The following DLGAP2 variants were observed in gnomAD, a reference collection of about 807,000 sequenced individuals.
The protein encoded by DLGAP2 is DLG associated protein 2.
Under a neutral mutation model 100.3 loss-of-function variants are expected in DLGAP2, and 26 were observed. That is an observed-to-expected ratio of 0.26 (90% CI 0.19 to 0.36). The LOEUF is 0.36. Among genes scored for constraint, DLGAP2 ranks in the 10% least tolerant of loss-of-function variants. The pLI is 1.00. For missense variants in DLGAP2, 1,858 were observed against 1,453.2 expected (o/e 1.28, Z -4.53); for synonymous variants, 886 against 630.1 (o/e 1.41, Z -6.08).
rs79895482 is a variant in DLGAP2 at position 1,624,265 on chromosome 8, A to T, written c.1443-2475A>T. Among the ~76,000 whole-genome samples, 721 of 152,190 alleles carry T rather than the reference A, an allele frequency of 4.7e-3. 2 individuals carry two copies. Among genetic ancestry groups the T allele is most frequent in the African/African-American group, 0.016 (658 of 41,510 alleles). ...GATTGGTAGAAATGGAGGGTATGAA[A>T]CCAGCAATCTCAAGGAAGCATGGAA... On this transcript the variant is annotated intron_variant, in intron 6 of 14. Transcript: ENST00000637795.
intron 3 of DLGAP2, among the ~76,000 whole-genome samples, chr8:1,318,938 C>A (rs11782963): frequency 6.6e-6 from 1 of 152,006 alleles, no homozygotes; most frequent in Non-Finnish European, 1.5e-5. Flanking sequence ...AAACGCTCAG[C>A]ATGGTTTTTC....
chr8:1,358,059 G>A (rs1318893090), intron 3 of DLGAP2, among the ~76,000 whole-genome samples: 2 of 152,190 alleles, frequency 1.3e-5, no homozygotes, highest in African/African-American at 4.8e-5. Flanking sequence ...TCCAGGAGTG[G>A]GGGCACAGGC....
intron 2 of DLGAP2, among the ~76,000 whole-genome samples, chr8:1,099,582 T>G (rs1223237882): frequency 6.6e-6 from 1 of 152,174 alleles, no homozygotes; most frequent in Non-Finnish European, 1.5e-5. Flanking sequence ...ACCAGGAGGA[T>G]TAGGAAAAGT....
At chr8:1,696,825 C>T (rs1187006045) in intron 13 of DLGAP2, among the ~76,000 whole-genome samples, 1 of 152,232 alleles carries the variant, frequency 6.6e-6, no homozygotes, top group Non-Finnish European at 1.5e-5. Flanking sequence ...CCGAATCATC[C>T]ACAGGTGACC....
At chr8:1,349,993 C>A (rs1801670576) in intron 3 of DLGAP2, among the ~76,000 whole-genome samples, 1 of 152,148 alleles carries the variant, frequency 6.6e-6, no homozygotes, top group Non-Finnish European at 1.5e-5. Flanking sequence ...GCAACCAAAA[C>A]AACACATATA....
At chr8:917,660 A>T (rs1165307239) in intron 2 of DLGAP2, among the ~76,000 whole-genome samples, 2 of 152,136 alleles carry the variant, frequency 1.3e-5, no homozygotes, top group African/African-American at 4.8e-5. Flanking sequence ...AGCTCATTGC[A>T]AACTCCACCT....
Position 1,127,757 on chromosome 8 carries a change from C to T in DLGAP2, c.74-131094C>T, listed in dbSNP as rs775803390. 2.3e-4 allele frequency among the ~76,000 whole-genome samples: 35 copies of T among 152,144 alleles called. 1 individual carries two copies. The highest frequency in any genetic ancestry group is 4.6e-4 in the Non-Finnish European group (31 of 68,020). On this transcript the variant is annotated intron_variant, in intron 2 of 14. Coordinates refer to ENST00000637795, the MANE Select transcript of DLGAP2 (RefSeq NM_001346810.2). ...GAAAACACTAAGGCCCAGAGGAGGA[C>T]GGTTAACTACGCCCGTTCTGTTGTA... is the stretch of plus-strand genomic sequence containing the variant.
intron 2 of DLGAP2, among the ~76,000 whole-genome samples, chr8:987,951 C>T (rs1800535363): frequency 1.3e-5 from 2 of 152,144 alleles, no homozygotes; most frequent in African/African-American, 4.8e-5. Flanking sequence ...GAGATCAGTG[C>T]TTCTCTGTGG....
chr8:1,454,470 C>T (rs893590738), intron 3 of DLGAP2, among the ~76,000 whole-genome samples: 1 of 152,208 alleles, frequency 6.6e-6, no homozygotes, highest in African/African-American at 2.4e-5. Context: ...TCTGGCACAG[C>T]AACTGTAGTG....
At chr8:1,473,180 C>G (rs992617205) in intron 3 of DLGAP2, among the ~76,000 whole-genome samples, 1 of 152,220 alleles carries the variant, frequency 6.6e-6, no homozygotes, top group Non-Finnish European at 1.5e-5. Flanking sequence ...ATCCATCCGT[C>G]TTGGCCTCCC....
At chr8:743,571 A>C (rs1476716681) in intron 1 of DLGAP2, among the ~76,000 whole-genome samples, 1 of 152,100 alleles carries the variant, frequency 6.6e-6, no homozygotes, top group Non-Finnish European at 1.5e-5. Flanking sequence ...GTATTTATTT[A>C]CTTACTTATT....
Position 1,234,838 on chromosome 8 carries a change from G to C in DLGAP2, c.74-24013G>C, listed in dbSNP as rs896462005. On this transcript the variant is annotated intron_variant, in intron 2 of 14. Transcript: ENST00000637795. ...GTGAGTTCACGGCGTCACGTCAGGAGTGATACCCGGACTGTTCAACACTTA... is the reference window on the plus strand; with the variant it reads ...GTGAGTTCACGGCGTCACGTCAGGACTGATACCCGGACTGTTCAACACTTA... 3.9e-5 allele frequency among the ~76,000 whole-genome samples: 6 copies of C among 152,198 alleles called. No homozygotes were observed. The South Asian group carries it at 1.0e-3, about 26-fold the overall frequency.
At position 951,594 on chromosome 8, in the gene DLGAP2, G is replaced by C. The variant is rs115187865; in HGVS notation, c.73+43628G>C. Among the ~76,000 whole-genome samples the C allele has an allele frequency of 5.3e-3, 800 of 152,274 alleles. 13 individuals carry two copies. The highest frequency in any genetic ancestry group is 0.019 in the African/African-American group (774 of 41,546). On this transcript the variant is annotated intron_variant, in intron 2 of 14. Coordinates refer to ENST00000637795, the MANE Select transcript of DLGAP2 (RefSeq NM_001346810.2). The stretch of plus-strand genomic sequence containing the variant: ...GGGAAAGCACACTTTTAGTACCCTT[G>C]ATAATTATTGCGTTCATGAAGCTTT...
At chr8:961,542 C>G (rs937947343) in intron 2 of DLGAP2, among the ~76,000 whole-genome samples, 4 of 152,100 alleles carry the variant, frequency 2.6e-5, no homozygotes, top group Non-Finnish European at 5.9e-5. Context: ...AATATCATTT[C>G]TATATAGGGG....
intron 6 of DLGAP2, among the ~76,000 whole-genome samples, chr8:1,600,627 C>T (rs1563248753): frequency 6.6e-6 from 1 of 152,136 alleles, no homozygotes; most frequent in Non-Finnish European, 1.5e-5. Context: ...TAAGGTGATG[C>T]TTCAATTTCT....
At chr8:887,479 A>G (rs994393833) in intron 1 of DLGAP2, among the ~76,000 whole-genome samples, 11 of 152,028 alleles carry the variant, frequency 7.2e-5, no homozygotes, top group Non-Finnish European at 1.5e-4. Context: ...ATTGGTCTTT[A>G]TATTTTGGTG....
intron 2 of DLGAP2, among the ~76,000 whole-genome samples, chr8:1,177,630 G>A (rs1797288604): frequency 6.6e-6 from 1 of 152,048 alleles, no homozygotes. Flanking sequence ...AGTCCATTTG[G>A]GCAGCTGTCA....
At chr8:1,276,316 T>G (rs1659147717) in intron 3 of DLGAP2, among the ~76,000 whole-genome samples, 1 of 151,878 alleles carries the variant, frequency 6.6e-6, no homozygotes, top group Non-Finnish European at 1.5e-5. Flanking sequence ...TACTTCAACA[T>G]TAGTGTCTTG....
intron 2 of DLGAP2, among the ~76,000 whole-genome samples, chr8:1,085,740 T>C (rs1386968638): frequency 2.0e-5 from 3 of 152,234 alleles, no homozygotes; most frequent in Non-Finnish European, 4.4e-5. Flanking sequence ...ATGATTTTCT[T>C]ATATATTTGA....
Sources: allele counts gnomAD v4.1 joint callset (sites outside exome capture counted in the v4.1 genomes callset), GRCh38; gene constraint gnomAD v4.1.1; transcripts MANE v1.5; gene names NCBI Gene and HGNC (gene_info 2026-07-23, HGNC 2026-07-21).